Variants in IMMP1L observed in about 807,000 individuals in gnomAD.
IMMP1L encodes inner mitochondrial membrane peptidase subunit 1.
In IMMP1L, 24 loss-of-function variants were observed where a neutral mutation model predicts 21.8. That is an observed-to-expected ratio of 1.10 (90% CI 0.80 to 1.55). The LOEUF is 1.55. Ranked by LOEUF, IMMP1L falls within the 40% of genes most tolerant of loss-of-function variation. IMMP1L has a pLI of 0.00. For missense variants in IMMP1L, 195 were observed against 200.7 expected, an observed-to-expected ratio of 0.97 and a Z score of 0.17; for synonymous variants, 46 against 62.8, an observed-to-expected ratio of 0.73 and a Z score of 1.26.
At chr11:31,468,083 T>G (rs1302568459) in intron 1 of IMMP1L, among the ~76,000 whole-genome samples, 1 of 152,086 alleles carries the variant, frequency 6.6e-6, no homozygotes, top group African/African-American at 2.4e-5. Context: ...TATTTTCAAT[T>G]ACAAGAAAAT....
At chr11:31,484,456 T>C (rs1218696106) in intron 1 of IMMP1L, among the ~76,000 whole-genome samples, 1 of 151,986 alleles carries the variant, frequency 6.6e-6, no homozygotes, top group African/African-American at 2.4e-5. Context: ...AAATCCACTT[T>C]TTTTAACAGC....
At chr11:31,477,750 G>A (rs1435109691) in intron 1 of IMMP1L, 1 of 154,644 alleles carries the variant, frequency 6.5e-6, no homozygotes, top group Non-Finnish European at 1.4e-5. Flanking sequence ...ATGACTGGAA[G>A]TCGCTTCACC....
chr11:31,439,267 T>A (rs1357573376), intron 4 of IMMP1L, among the ~76,000 whole-genome samples: 1 of 151,680 alleles, frequency 6.6e-6, no homozygotes, highest in African/African-American at 2.4e-5. Context: ...GTCCTATGGG[T>A]TACTCATTTT....
At chr11:31,453,217 C>T (rs1366043900) in intron 4 of IMMP1L, 3 of 624,236 alleles carry the variant, frequency 4.8e-6, no homozygotes, top group African/African-American at 3.9e-5. Context: ...CACATCACTA[C>T]ATCACTTAAC....
intron 1 of IMMP1L, among the ~76,000 whole-genome samples, chr11:31,494,639 T>A (rs1955373112): frequency 6.6e-6 from 1 of 152,140 alleles, no homozygotes; most frequent in Admixed American, 6.5e-5. Flanking sequence ...GGCTGCAAAT[T>A]TTCCAAACTT....
intron 1 of IMMP1L, among the ~76,000 whole-genome samples, chr11:31,487,893 G>A (rs1458838687): frequency 6.6e-6 from 1 of 152,084 alleles, no homozygotes; most frequent in Admixed American, 6.5e-5. Context: ...CCAACATGAT[G>A]GCAATGATAT....
chr11:31,475,843 A>G (rs1217504574), intron 1 of IMMP1L, among the ~76,000 whole-genome samples: 1 of 152,204 alleles, frequency 6.6e-6, no homozygotes, highest in Non-Finnish European at 1.5e-5. Flanking sequence ...GAAAATAACC[A>G]TCTCTAAACA....
intron 1 of IMMP1L, 80 bp from the exon 2 acceptor site, chr11:31,463,385 A>C (rs1954219179): frequency 7.9e-7 from 1 of 1,273,746 alleles, no homozygotes; most frequent in African/African-American, 1.5e-5. Flanking sequence ...AATATTTTAC[A>C]ATCACCCAAA....
chr11:31,443,335 A>G (rs2755182), intron 4 of IMMP1L, among the ~76,000 whole-genome samples: 87 of 152,338 alleles, frequency 5.7e-4, no homozygotes, highest in Non-Finnish European at 1.1e-3. Flanking sequence ...GAAGCTATAA[A>G]CAAAAACACA....
intron 4 of IMMP1L, 96 bp downstream of exon 4, chr11:31,456,164 T>C: frequency 1.2e-6 from 1 of 848,246 alleles, no homozygotes; most frequent in Non-Finnish European, 1.7e-6. Flanking sequence ...TTTTCTTACA[T>C]TCAAAATATG....
intron 1 of IMMP1L, chr11:31,488,334 G>T (rs1184190129): frequency 6.6e-6 from 1 of 152,156 alleles, no homozygotes; most frequent in Non-Finnish European, 1.5e-5. Context: ...AATGACAGTT[G>T]TAACGGTGCG....
chr11:31,491,328 C>G (rs566723844), intron 1 of IMMP1L, among the ~76,000 whole-genome samples: 14 of 152,252 alleles, frequency 9.2e-5, no homozygotes, highest in African/African-American at 3.1e-4. Context: ...CATACATTAT[C>G]ATGAACAGAA....
Position 31,463,292 on chromosome 11 carries a change from C to G in IMMP1L, c.-16G>C. On this transcript the variant is annotated 5_prime_UTR_variant, in exon 2 of 6. Coordinates refer to ENST00000532287, the MANE Select transcript of IMMP1L (RefSeq NM_001304274.2). ...CACGAAGCATAGTTCTATGTAGACTCTGCCACCATTGGCCTGATGGTAAAT... is the reference window on the plus strand; with the variant it reads ...CACGAAGCATAGTTCTATGTAGACTGTGCCACCATTGGCCTGATGGTAAAT... 1 of 1,592,468 alleles carries G rather than the reference C, an allele frequency of 6.3e-7. No homozygotes were observed. Among genetic ancestry groups the G allele is most frequent in the Non-Finnish European group, 8.5e-7 (1 of 1,172,844 alleles).
chr11:31,437,201 T>C (rs941211859), intron 4 of IMMP1L: 3 of 437,056 alleles, frequency 6.9e-6, no homozygotes, highest in African/African-American at 2.0e-5. Context: ...GATTTTGGAA[T>C]ATTTGCATAT....
chr11:31,459,838 G>A (rs1243617130), intron 3 of IMMP1L, among the ~76,000 whole-genome samples: 2 of 152,050 alleles, frequency 1.3e-5, no homozygotes, highest in Non-Finnish European at 2.9e-5. Flanking sequence ...CTGGTTCTCA[G>A]CCATATACAA....
At chr11:31,448,649 A>C (rs1221176755) in intron 4 of IMMP1L, among the ~76,000 whole-genome samples, 1 of 152,210 alleles carries the variant, frequency 6.6e-6, no homozygotes, top group Non-Finnish European at 1.5e-5. Flanking sequence ...TTTCAGGACA[A>C]CCTGCTACTC....
intron 1 of IMMP1L, among the ~76,000 whole-genome samples, chr11:31,479,627 T>C (rs894906739): frequency 1.3e-5 from 2 of 152,078 alleles, no homozygotes; most frequent in African/African-American, 4.8e-5. Context: ...CTATAAGTAT[T>C]AAACACACAT....
chr11:31,455,226 G>A (rs1953901654), intron 4 of IMMP1L, among the ~76,000 whole-genome samples: 1 of 152,184 alleles, frequency 6.6e-6, no homozygotes, highest in Non-Finnish European at 1.5e-5. Context: ...CGATGACATT[G>A]TAATTATTCA....
chr11:31,486,724 G>A (rs1305771714), intron 1 of IMMP1L, among the ~76,000 whole-genome samples: 11 of 151,300 alleles, frequency 7.3e-5, no homozygotes, highest in Admixed American at 7.2e-4. Context: ...TAATTCAAAG[G>A]GATAATACAT....
Sources: allele counts gnomAD v4.1 joint callset (sites outside exome capture counted in the v4.1 genomes callset), GRCh38; gene constraint gnomAD v4.1.1; transcripts MANE v1.5; gene names NCBI Gene and HGNC (gene_info 2026-07-23, HGNC 2026-07-21).